The following KCNJ6 variants were observed in gnomAD, a reference collection of about 807,000 sequenced individuals.
The protein encoded by KCNJ6 is G protein-activated inward rectifier potassium channel 2.
A neutral mutation model predicts 34.2 loss-of-function variants in KCNJ6; 9 were observed. The observed-to-expected ratio is 0.26, with a 90% confidence interval of 0.16 to 0.46. The LOEUF (loss-of-function observed/expected upper bound fraction) is 0.46. Among genes scored for constraint, KCNJ6 ranks in the 20% least tolerant of loss-of-function variants. KCNJ6 has a pLI of 1.00. For missense variants in KCNJ6, 236 were observed against 531.3 expected, an observed-to-expected ratio of 0.44 and a Z score of 5.46; for synonymous variants, 196 against 207.1, an observed-to-expected ratio of 0.95 and a Z score of 0.46.
At chr21:37,690,637 T>C (rs201747186) in intron 3 of KCNJ6, among the ~76,000 whole-genome samples, 1 of 176 alleles carries the variant, frequency 5.7e-3, no homozygotes. Context: ...TCAGTGAATA[T>C]CTATGGCCAC....
At chr21:37,816,362 G>T (rs2055346993) in intron 2 of KCNJ6, among the ~76,000 whole-genome samples, 1 of 152,214 alleles carries the variant, frequency 6.6e-6, no homozygotes, top group Non-Finnish European at 1.5e-5. Flanking sequence ...TTGCTTCTAT[G>T]CTCTAGATAT....
chr21:37,655,177 ATTTGTGTGTG>A (rs766184519), intron 3 of KCNJ6, among the ~76,000 whole-genome samples: 5 of 96,972 alleles, frequency 5.2e-5, no homozygotes, highest in African/African-American at 2.7e-4. Flanking sequence ...CACTCTAGAC[ATTTGTGTGTG>A]TGTGTGTGTG....
rs1025528741 is a variant in KCNJ6, at chr21:37,685,403, C to G, written c.946+28808G>C. Among the ~76,000 whole-genome samples, 6 of 149,982 alleles carry G rather than the reference C, an allele frequency of 4.0e-5. No individual in the cohort carries two copies. In the South Asian group the frequency reaches 6.5e-4, roughly 16 times the overall value. On this transcript the variant is annotated intron_variant, in intron 3 of 3. Coordinates refer to ENST00000609713, the MANE Select transcript of KCNJ6 (RefSeq NM_002240.5). ...CTCACTTCTAAGAATCTATCCTGGC[C>G]GGGTGCAGTGGGTCACGCCTGTAAT...
In KCNJ6 at chr21:37,614,162, G is replaced by A. The variant is rs1344829028; in HGVS notation, c.*10997C>T. 2 of 152,192 alleles carry A rather than the reference G, an allele frequency of 1.3e-5. No homozygotes were observed. Among genetic ancestry groups the A allele is most frequent in the African/African-American group, 4.8e-5 (2 of 41,434 alleles). 9.4% of individuals were successfully genotyped at this position (152,192 alleles called of 1,614,324 possible). A position where few individuals can be genotyped will look rare whatever the true frequency, so the allele number is the denominator to read the frequency against. On this transcript the variant is annotated 3_prime_UTR_variant, in exon 4 of 4. Transcript: ENST00000609713. ...CCAGGACGACATTGCTCATCTGGGG[G>A]CAAAACCTGGTCTTCTGAATCCAGG...
At chr21:37,862,961 G>T (rs985429575) in intron 1 of KCNJ6, among the ~76,000 whole-genome samples, 4 of 152,218 alleles carry the variant, frequency 2.6e-5, no homozygotes, top group Admixed American at 2.0e-4. Context: ...AGGCTAGGAA[G>T]ATTCGGACAA....
chr21:37,653,684 C>T (rs1451772019), intron 3 of KCNJ6, among the ~76,000 whole-genome samples: 1 of 152,186 alleles, frequency 6.6e-6, no homozygotes. Context: ...AGGCTCTCTC[C>T]ATCCTGTCTT....
intron 1 of KCNJ6, among the ~76,000 whole-genome samples, chr21:37,868,445 A>G (rs986046131): frequency 6.6e-6 from 1 of 152,246 alleles, no homozygotes; most frequent in African/African-American, 2.4e-5. Context: ...TCTTATCAAG[A>G]GAAGCATTTG....
At position 37,609,859 on chromosome 21, in the gene KCNJ6, C is replaced by G. The variant is rs1410875690; in HGVS notation, c.*15300G>C. 6.6e-6 allele frequency: 1 copy of G among 152,166 alleles called. No homozygotes were observed. Among genetic ancestry groups the G allele is most frequent in the Admixed American group, 6.5e-5 (1 of 15,286 alleles). The allele number at this position is 152,166 out of a possible 1,614,324, so 9.4% of individuals were successfully genotyped here. On this transcript the variant is annotated 3_prime_UTR_variant, in exon 4 of 4. Coordinates refer to ENST00000609713, the MANE Select transcript of KCNJ6 (RefSeq NM_002240.5). ...TGCTCATGGATGAGCTGGCGAGATG[C>G]AGCCTCACATTTATTTTCTATCAAT...
At chr21:37,823,204 C>CA (rs1351350857) in intron 2 of KCNJ6, among the ~76,000 whole-genome samples, 1 of 152,182 alleles carries the variant, frequency 6.6e-6, no homozygotes, top group African/African-American at 2.4e-5. Context: ...CCAGAGCCCT[C>CA]AGACTTAGGC....
At chr21:37,626,459 A>G (rs2054311637) in intron 3 of KCNJ6, among the ~76,000 whole-genome samples, 1 of 152,204 alleles carries the variant, frequency 6.6e-6, no homozygotes, top group Non-Finnish European at 1.5e-5. Context: ...TAAAGATAAG[A>G]AGCCTTTTTG....
chr21:37,836,119 G>A (rs1346279620), intron 2 of KCNJ6, among the ~76,000 whole-genome samples: 2 of 152,160 alleles, frequency 1.3e-5, no homozygotes, highest in Admixed American at 6.5e-5. Context: ...CATTTATGCA[G>A]CCAACAAACA....
At chr21:37,672,893 C>T (rs1000149677) in intron 3 of KCNJ6, among the ~76,000 whole-genome samples, 2 of 152,160 alleles carry the variant, frequency 1.3e-5, no homozygotes, top group Non-Finnish European at 2.9e-5. Context: ...GTCCTCCTGT[C>T]TCAGCCTCCC....
At chr21:37,784,216 G>A (rs540764568) in intron 2 of KCNJ6, among the ~76,000 whole-genome samples, 1 of 152,276 alleles carries the variant, frequency 6.6e-6, no homozygotes, top group Admixed American at 6.5e-5. Flanking sequence ...ATAGGGCACC[G>A]ATTTTTCCAA....
chr21:37,759,242 C>A (rs1199450935), intron 2 of KCNJ6, among the ~76,000 whole-genome samples: 1 of 152,194 alleles, frequency 6.6e-6, no homozygotes, highest in Admixed American at 6.5e-5. Context: ...GCCACAGGGC[C>A]TCTGTCTTTC....
At chr21:37,666,930 G>T (rs2054516320) in intron 3 of KCNJ6, among the ~76,000 whole-genome samples, 1 of 151,150 alleles carries the variant, frequency 6.6e-6, no homozygotes, top group Non-Finnish European at 1.5e-5. Flanking sequence ...GATGTGCTTT[G>T]TTAAACAGAT....
In KCNJ6 at chr21:37,617,052, CTTTTCTTTTCTTTTCT is replaced by C. The variant is rs1169684310; in HGVS notation, c.*8091_*8106del. ...TCTTTCTTTCTTTCTTTCTTTCTTT[CTTTTCTTTTCTTTTCT>C]TTTCTTTTCTTTCTTTTTCTTTCTT... On this transcript the variant is annotated 3_prime_UTR_variant, in exon 4 of 4. Coordinates refer to ENST00000609713, the MANE Select transcript of KCNJ6 (RefSeq NM_002240.5). 1 of 74,126 alleles carries C rather than the reference CTTTTCTTTTCTTTTCT, an allele frequency of 1.3e-5. No individual in the cohort carries two copies. The highest frequency in any genetic ancestry group is 5.7e-4 in the South Asian group (1 of 1,754). 4.6% of individuals were successfully genotyped at this position (74,126 alleles called of 1,614,324 possible).
intron 1 of KCNJ6, among the ~76,000 whole-genome samples, chr21:37,879,714 AGTGTGTGTGTGTGTGTGTGTGTGT>A (rs56736533): frequency 4.7e-4 from 68 of 143,378 alleles, no homozygotes; most frequent in African/African-American, 1.7e-3. Flanking sequence ...CTTGAAATGA[AGTGTGTGTGTGTGTGTGTGTGTGT>A]GTGTGTGTGT....
Position 37,836,750 on chromosome 21 carries a change from G to A in KCNJ6, c.25+3908C>T, listed in dbSNP as rs185882333. On this transcript the variant is annotated intron_variant, in intron 2 of 3. Coordinates refer to ENST00000609713, the MANE Select transcript of KCNJ6 (RefSeq NM_002240.5). ...ACCAGGGCCTGTCAGGGGTTGGGGG[G>A]CCAGAGGAGGGATAACATTAGGAGA... is the stretch of plus-strand genomic sequence containing the variant. Among the ~76,000 whole-genome samples, 584 of 152,186 alleles carry A rather than the reference G, an allele frequency of 3.8e-3. 8 individuals carry two copies. The highest frequency in any genetic ancestry group is 1.9e-3 in the South Asian group (9 of 4,824).
chr21:37,656,593 G>A (rs1228091934), intron 3 of KCNJ6, among the ~76,000 whole-genome samples: 1 of 152,248 alleles, frequency 6.6e-6, no homozygotes, highest in Non-Finnish European at 1.5e-5. Context: ...CCCTGCAGGG[G>A]TGGTGCAGCT....
Sources: allele counts gnomAD v4.1 joint callset (sites outside exome capture counted in the v4.1 genomes callset), GRCh38; gene constraint gnomAD v4.1.1; transcripts MANE v1.5; gene names NCBI Gene and HGNC (gene_info 2026-07-23, HGNC 2026-07-21).